Variants in ARHGAP24 observed in about 807,000 individuals in gnomAD.
ARHGAP24 encodes rho GTPase-activating protein 24.
ARHGAP24 carries 50 observed loss-of-function variants against 76.4 expected under a neutral mutation model. That is an observed-to-expected ratio of 0.65 (90% CI 0.52 to 0.83). ARHGAP24 has a LOEUF of 0.83. Among genes scored for constraint, ARHGAP24 ranks in the 40% least tolerant of loss-of-function variants. The pLI is 0.00. For missense variants in ARHGAP24, 930 were observed against 914.2 expected, an observed-to-expected ratio of 1.02 and a Z score of -0.22; for synonymous variants, 345 against 323.3, an observed-to-expected ratio of 1.07 and a Z score of -0.72.
At chr4:85,504,194 T>C (rs1479897640) in intron 1 of ARHGAP24, among the ~76,000 whole-genome samples, 1 of 152,224 alleles carries the variant, frequency 6.6e-6, no homozygotes, top group East Asian at 1.9e-4. Flanking sequence ...GTATATTCTG[T>C]TGATTTAGGG....
intron 1 of ARHGAP24, among the ~76,000 whole-genome samples, chr4:85,567,062 G>A (rs1419856992): frequency 2.6e-5 from 4 of 152,176 alleles, no homozygotes; most frequent in Admixed American, 1.3e-4. Context: ...GATTAGGTTA[G>A]AGAGGTAAAG....
At chr4:85,891,158 A>G (rs1229161936) in intron 3 of ARHGAP24, among the ~76,000 whole-genome samples, 1 of 152,146 alleles carries the variant, frequency 6.6e-6, no homozygotes, top group Non-Finnish European at 1.5e-5. Flanking sequence ...TAGGTCTAGG[A>G]CCTAAGGGGG....
At chr4:85,793,484 C>T (rs1438249000) in intron 3 of ARHGAP24, among the ~76,000 whole-genome samples, 2 of 152,064 alleles carry the variant, frequency 1.3e-5, no homozygotes, top group Admixed American at 1.3e-4. Flanking sequence ...AAATTTCAAA[C>T]CTTATTTCCC....
chr4:85,869,717 A>G (rs1732417630), intron 3 of ARHGAP24, among the ~76,000 whole-genome samples: 1 of 152,124 alleles, frequency 6.6e-6, no homozygotes, highest in Non-Finnish European at 1.5e-5. Context: ...TAACAAAATG[A>G]TCTTGTTAAA....
rs542319678 is a variant in ARHGAP24 at position 85,596,860 on chromosome 4, C to T, written c.180+26139C>T. The stretch of plus-strand genomic sequence containing the variant: ...CAAGTTTACCATTACTGTTTTTCAA[C>T]GTTATTCAAAATGTCCATATTTTGT... On this transcript the variant is annotated intron_variant, in intron 2 of 9. Transcript: ENST00000395184. Among the ~76,000 whole-genome samples, 7 of 152,050 alleles carry T rather than the reference C, an allele frequency of 4.6e-5. No individual in the cohort carries two copies. The South Asian group carries it at 8.3e-4, about 18-fold the overall frequency.
intron 1 of ARHGAP24, among the ~76,000 whole-genome samples, chr4:85,487,021 T>C (rs1723083912): frequency 1.3e-5 from 2 of 151,554 alleles, no homozygotes; most frequent in Admixed American, 6.6e-5. Context: ...ACCTTTGTAA[T>C]GTTTTCAAAT....
At chr4:85,866,929 G>C (rs1220822576) in intron 3 of ARHGAP24, among the ~76,000 whole-genome samples, 1 of 152,062 alleles carries the variant, frequency 6.6e-6, no homozygotes, top group Non-Finnish European at 1.5e-5. Flanking sequence ...GCCTGCCCAT[G>C]CTTTTGTGGA....
intron 3 of ARHGAP24, among the ~76,000 whole-genome samples, chr4:85,841,464 A>G (rs554448401): frequency 3.4e-4 from 52 of 152,340 alleles, no homozygotes; most frequent in African/African-American, 9.1e-4. Context: ...GTAGAACTTA[A>G]CTTATAGTGT....
At chr4:85,734,603 CAATT>C (rs1047311176) in intron 3 of ARHGAP24, among the ~76,000 whole-genome samples, 2 of 140,894 alleles carry the variant, frequency 1.4e-5, no homozygotes, top group Non-Finnish European at 3.1e-5. Context: ...TTCTGGAAAA[CAATT>C]AGTGCAGGGG....
At chr4:85,977,938 C>G (rs1320394883) in intron 8 of ARHGAP24, among the ~76,000 whole-genome samples, 2 of 152,208 alleles carry the variant, frequency 1.3e-5, no homozygotes, top group African/African-American at 4.8e-5. Context: ...ATGAAACCTT[C>G]ATAAATCATA....
chr4:85,977,440 A>C (rs1468826904), intron 7 of ARHGAP24, 130 bp from the exon 8 acceptor site: 1 of 1,066,994 alleles, frequency 9.4e-7, no homozygotes, highest in African/African-American at 1.6e-5. Context: ...ATGGGTGAAC[A>C]TCCAAATAAT....
At chr4:85,537,999 C>T (rs1409893777) in intron 1 of ARHGAP24, among the ~76,000 whole-genome samples, 2 of 151,208 alleles carry the variant, frequency 1.3e-5, no homozygotes, top group African/African-American at 2.5e-5. Flanking sequence ...AAGATGTACA[C>T]TTAGTGAACA....
chr4:85,907,645 G>A (rs757948380), intron 3 of ARHGAP24, among the ~76,000 whole-genome samples: 1 of 152,090 alleles, frequency 6.6e-6, no homozygotes, highest in Non-Finnish European at 1.5e-5. Flanking sequence ...TACTTACCTA[G>A]AATGACCTTG....
At chr4:85,733,444 A>G (rs1725493992) in intron 3 of ARHGAP24, among the ~76,000 whole-genome samples, 1 of 152,114 alleles carries the variant, frequency 6.6e-6, no homozygotes, top group African/African-American at 2.4e-5. Flanking sequence ...GGTCCCATAT[A>G]GAAAGTTTTT....
chr4:85,653,837 T>C (rs1480028609), intron 2 of ARHGAP24, among the ~76,000 whole-genome samples: 3 of 152,162 alleles, frequency 2.0e-5, no homozygotes, highest in East Asian at 3.9e-4. Context: ...ATATGTTGAA[T>C]AGCCACATGT....
intron 3 of ARHGAP24, among the ~76,000 whole-genome samples, chr4:85,805,433 C>A (rs1728747745): frequency 6.6e-6 from 1 of 152,156 alleles, no homozygotes; most frequent in Non-Finnish European, 1.5e-5. Flanking sequence ...TTCTGCTGCA[C>A]AAATCTGCCA....
chr4:85,923,611 A>G lies in ARHGAP24; in HGVS notation c.269-37A>G, dbSNP rs764285549. On this transcript the variant is annotated intron_variant, in intron 3 of 9. Coordinates refer to ENST00000395184, the MANE Select transcript of ARHGAP24 (RefSeq NM_001025616.3). ...GAGGCTGATCATGAGGAATCTCTGG[A>G]TGCAACTTCAGCTGCATTGTTACTG... 3 of 1,612,558 alleles carry G rather than the reference A, an allele frequency of 1.9e-6. No individual in the cohort carries two copies. The African/African-American group carries it at 4.0e-5, about 22-fold the overall frequency.
intron 1 of ARHGAP24, among the ~76,000 whole-genome samples, chr4:85,502,685 T>C (rs764971035): frequency 2.0e-5 from 3 of 152,198 alleles, no homozygotes; most frequent in Non-Finnish European, 4.4e-5. Flanking sequence ...TTTGACTTCC[T>C]CTTTTCCTAA....
intron 1 of ARHGAP24, among the ~76,000 whole-genome samples, chr4:85,483,644 TAAA>T (rs1455100696): frequency 1.3e-5 from 2 of 152,036 alleles, no homozygotes; most frequent in East Asian, 3.9e-4. Flanking sequence ...CAAACAAAAA[TAAA>T]AAATATAAAT....
Sources: gnomAD v4.1 joint callset for allele counts (sites outside exome capture counted in the v4.1 genomes callset) on GRCh38, gnomAD v4.1.1 for gene constraint, MANE v1.5 for transcripts, NCBI Gene and HGNC (gene_info 2026-07-23, HGNC 2026-07-21) for gene names.